KCNK2: variants seen among roughly 807,000 people sequenced by gnomAD.
KCNK2 encodes the protein potassium channel subfamily K member 2.
A neutral mutation model predicts 40.5 loss-of-function variants in KCNK2; 21 were observed. That is an observed-to-expected ratio of 0.52 (90% confidence interval 0.37 to 0.75). KCNK2 has a LOEUF of 0.75. Among genes scored for constraint, KCNK2 ranks in the 30% least tolerant of loss-of-function variants. KCNK2 has a pLI of 0.00. For synonymous variants in KCNK2, 191 were observed against 202.2 expected (o/e 0.94, Z 0.47); for missense variants, 399 against 531.6 (o/e 0.75, Z 2.45).
rs763475321 is a variant in KCNK2 at position 215,235,491 on chromosome 1, A to C, written c.*346A>C. 22 of 196,240 alleles carry C rather than the reference A, an allele frequency of 1.1e-4. No homozygotes were observed. The highest frequency in any genetic ancestry group is 2.1e-4 in the Non-Finnish European group (20 of 95,710). The allele number at this position is 196,240 out of a possible 1,614,324, so 12.2% of individuals were successfully genotyped here. Reference sequence around the variant, plus strand: ...GGTAACAATGTAGCTTTGAGGGATCAGTTCTTAACTTTTCAGGGTCTACCT... The same window carrying C: ...GGTAACAATGTAGCTTTGAGGGATCCGTTCTTAACTTTTCAGGGTCTACCT... On this transcript the variant is annotated 3_prime_UTR_variant, in exon 7 of 7. Transcript: ENST00000444842.
intron 3 of KCNK2, among the ~76,000 whole-genome samples, chr1:215,163,530 A>G (rs564474329): frequency 1.9e-4 from 29 of 152,248 alleles, no homozygotes; most frequent in African/African-American, 6.3e-4. Flanking sequence ...GCTTTTGCCC[A>G]TTCAGTGTGA....
At chr1:215,124,827 T>A in intron 3 of KCNK2, 77 bp downstream of exon 3, 1 of 871,352 alleles carries the variant, frequency 1.1e-6, no homozygotes, top group Non-Finnish European at 1.9e-6. Flanking sequence ...ATTTTTTGTA[T>A]AGTTGGGCAA....
intron 5 of KCNK2, 123 bp downstream of exon 5, chr1:215,172,306 C>A (rs571533715): frequency 1.2e-6 from 1 of 820,714 alleles, no homozygotes; most frequent in East Asian, 2.5e-5. Context: ...TACCCAAGTA[C>A]CATAAAGTGG....
chr1:215,125,739 AATATATATATATATAT>A (rs66622204), intron 3 of KCNK2, among the ~76,000 whole-genome samples: 21 of 124,316 alleles, frequency 1.7e-4, no homozygotes, highest in Middle Eastern at 4.3e-3. Flanking sequence ...AAGTATAATA[AATATATATATATATAT>A]ATATATATAT....
At chr1:215,133,634 T>A (rs1235289641) in intron 3 of KCNK2, among the ~76,000 whole-genome samples, 1 of 150,380 alleles carries the variant, frequency 6.6e-6, no homozygotes, top group East Asian at 1.9e-4. Context: ...TTTTTTTTTT[T>A]AATTTTAGAC....
rs2102525674 is a variant in KCNK2, at chr1:215,083,110, C to T, written c.-276C>T. The T allele has an allele frequency of 1.8e-6, 1 of 563,652 alleles. No individual in the cohort carries two copies. Among genetic ancestry groups the T allele is most frequent in the East Asian group, 3.4e-5 (1 of 29,430 alleles). The allele number at this position is 563,652 out of a possible 1,614,324, so 34.9% of individuals were successfully genotyped here. On this transcript the variant is annotated 5_prime_UTR_variant, in exon 1 of 7. Transcript: ENST00000444842. ...GCAGGCGCGCGCGGGGGCGGCGGCG[C>T]CCAAGCCCAACTTGGCCTCCGCCTC...
chr1:215,100,974 A>G (rs1449093719), intron 2 of KCNK2, among the ~76,000 whole-genome samples: 3 of 151,994 alleles, frequency 2.0e-5, no homozygotes, highest in Admixed American at 2.0e-4. Context: ...ACTTAGAAAC[A>G]TTTTTGCATT....
intron 2 of KCNK2, among the ~76,000 whole-genome samples, chr1:215,122,116 C>T (rs1342013908): frequency 6.6e-6 from 1 of 151,950 alleles, no homozygotes; most frequent in East Asian, 1.9e-4. Flanking sequence ...TGGGAATAAC[C>T]TTATAGATCT....
intron 2 of KCNK2, among the ~76,000 whole-genome samples, chr1:215,095,943 A>C (rs1007214876): frequency 7.9e-5 from 12 of 152,056 alleles, no homozygotes; most frequent in Non-Finnish European, 1.3e-4. Context: ...GTGACTGGGC[A>C]TTCTTCATGC....
chr1:215,197,660 C>T (rs778709746), intron 6 of KCNK2, among the ~76,000 whole-genome samples: 1 of 152,132 alleles, frequency 6.6e-6, no homozygotes, highest in Non-Finnish European at 1.5e-5. Flanking sequence ...GGCCATAACA[C>T]CATCTTTTCA....
intron 4 of KCNK2, 28 bp downstream of exon 4, chr1:215,169,387 A>G: frequency 6.6e-7 from 1 of 1,521,838 alleles, no homozygotes; most frequent in Non-Finnish European, 8.9e-7. Flanking sequence ...TTAACTACGT[A>G]TATTTATTGT....
chr1:215,036,016 T>G (rs2601628), intron 1 of KCNK2, among the ~76,000 whole-genome samples: 20 of 151,564 alleles, frequency 1.3e-4, no homozygotes, highest in African/African-American at 4.1e-4. Context: ...TCTTTTGATA[T>G]GCAGAAGGTT....
At chr1:215,064,124 T>C (rs1406083140) in intron 1 of KCNK2, among the ~76,000 whole-genome samples, 1 of 152,108 alleles carries the variant, frequency 6.6e-6, no homozygotes, top group Non-Finnish European at 1.5e-5. Context: ...TTGATCGTAA[T>C]AGAAGGAAGC....
rs1666880132 is a variant in KCNK2, at chr1:215,236,099, A to ATCTAG, written c.*954_*955insTCTAG. ...ATCTATCTATCTATCTATCTATCTA[A>ATCTAG]ATGACCTGACAGAAGAAAACTGTTA... is the stretch of plus-strand genomic sequence containing the variant. On this transcript the variant is annotated 3_prime_UTR_variant, in exon 7 of 7. Coordinates refer to ENST00000444842, the MANE Select transcript of KCNK2 (RefSeq NM_001017425.3). 2 of 98,112 alleles carry ATCTAG rather than the reference A, an allele frequency of 2.0e-5. No homozygotes were observed. Among genetic ancestry groups the ATCTAG allele is most frequent in the African/African-American group, 7.1e-5 (2 of 28,314 alleles). The allele number at this position is 98,112 out of a possible 1,614,324, so 6.1% of individuals were successfully genotyped here.
intron 6 of KCNK2, among the ~76,000 whole-genome samples, chr1:215,207,629 C>G (rs1448532139): frequency 6.6e-6 from 1 of 152,158 alleles, no homozygotes; most frequent in Non-Finnish European, 1.5e-5. Flanking sequence ...ATACGCTCAC[C>G]AAAGTAGTCA....
intron 2 of KCNK2, among the ~76,000 whole-genome samples, chr1:215,114,155 C>A (rs554641415): frequency 6.6e-6 from 1 of 152,226 alleles, no homozygotes; most frequent in African/African-American, 2.4e-5. Flanking sequence ...AGAAGACCCA[C>A]CAGCCTCATG....
At chr1:215,052,656 A>G (rs61818270) in intron 1 of KCNK2, among the ~76,000 whole-genome samples, 7,433 of 152,296 alleles carry the variant, frequency 0.049, 251 homozygotes, top group Admixed American at 0.081. Context: ...ACAGCCCTCT[A>G]CAACAGGAAT....
intron 3 of KCNK2, among the ~76,000 whole-genome samples, chr1:215,125,707 T>G (rs1247638672): frequency 6.7e-6 from 1 of 148,542 alleles, no homozygotes; most frequent in African/African-American, 2.5e-5. Flanking sequence ...CTGCACGTTG[T>G]GCACATGTAC....
chr1:215,205,816 G>A (rs1017655064), intron 6 of KCNK2, among the ~76,000 whole-genome samples: 2 of 152,008 alleles, frequency 1.3e-5, no homozygotes, highest in African/African-American at 4.8e-5. Flanking sequence ...TCTAATTCAA[G>A]GACACAATTA....
Sources: gnomAD v4.1 joint callset for allele counts (sites outside exome capture counted in the v4.1 genomes callset) on GRCh38, gnomAD v4.1.1 for gene constraint, MANE v1.5 for transcripts, NCBI Gene and HGNC (gene_info 2026-07-23, HGNC 2026-07-21) for gene names.